Variants in EPS15L1 observed in about 807,000 individuals in gnomAD.
The protein encoded by EPS15L1 is epidermal growth factor receptor pathway substrate 15 like 1.
In EPS15L1, 43 loss-of-function variants were observed where a neutral mutation model predicts 117.1. The observed-to-expected ratio is 0.37, with a 90% CI of 0.29 to 0.47. EPS15L1 has a LOEUF of 0.47. EPS15L1 is among the 20% of genes least tolerant of loss of function. EPS15L1 has a pLI of 0.99. For missense variants in EPS15L1, 981 were observed against 1,164.0 expected, an observed-to-expected ratio of 0.84 and a Z score of 2.29; for synonymous variants, 459 against 470.5, an observed-to-expected ratio of 0.98 and a Z score of 0.32.
At chr19:16,391,056 C>T (rs1001484739) in intron 19 of EPS15L1, among the ~76,000 whole-genome samples, 3 of 152,040 alleles carry the variant, frequency 2.0e-5, no homozygotes, top group African/African-American at 4.8e-5. Flanking sequence ...GACTGCATCT[C>T]GATAAAACTA....
At chr19:16,358,832 G>A (rs981481322) in intron 23 of EPS15L1, among the ~76,000 whole-genome samples, 4 of 152,194 alleles carry the variant, frequency 2.6e-5, no homozygotes, top group East Asian at 3.8e-4. Context: ...TTCGAAGCAC[G>A]GCCTAGCTGA....
intron 22 of EPS15L1, among the ~76,000 whole-genome samples, chr19:16,368,980 A>G (rs376764014): frequency 6.6e-6 from 1 of 152,148 alleles, no homozygotes; most frequent in South Asian, 2.1e-4. Context: ...CACCCTCCCC[A>G]TCCTGCCAGA....
At chr19:16,410,128 C>T (rs533341745) in intron 13 of EPS15L1, among the ~76,000 whole-genome samples, 4 of 140,656 alleles carry the variant, frequency 2.8e-5, no homozygotes, top group Admixed American at 7.1e-5. Context: ...AGTGAGACTC[C>T]GTCTCAAAAA....
Position 16,370,196 on chromosome 19 carries a change from C to G in EPS15L1, c.2380+6926G>C, listed in dbSNP as rs1005716977. ...GGGACACTTTTGCTCTCTTTATGGC[C>G]AGATTCCCCATTGCCCGAGTGCATG... On this transcript the variant is annotated intron_variant, in intron 22 of 23. Transcript: ENST00000455140. The surrounding 1 kb of genome is among the most constrained non-coding windows in gnomAD (Gnocchi z 5.2). 3.3e-5 allele frequency among the ~76,000 whole-genome samples: 5 copies of G among 152,170 alleles called. No individual in the cohort carries two copies. Among genetic ancestry groups the G allele is most frequent in the African/African-American group, 1.2e-4 (5 of 41,428 alleles).
At chr19:16,419,747 T>G (rs1301759674) in intron 10 of EPS15L1, among the ~76,000 whole-genome samples, 1 of 152,212 alleles carries the variant, frequency 6.6e-6, no homozygotes, top group Non-Finnish European at 1.5e-5. Context: ...ACATTGCTGA[T>G]AAATGCCTAG....
intron 22 of EPS15L1, among the ~76,000 whole-genome samples, chr19:16,374,319 G>C (rs898862603): frequency 6.6e-6 from 1 of 152,172 alleles, no homozygotes; most frequent in Non-Finnish European, 1.5e-5. Flanking sequence ...TTTCTGCAGA[G>C]CACCGAGTGG....
At chr19:16,442,578 T>C (rs929628888) in intron 1 of EPS15L1, among the ~76,000 whole-genome samples, 4 of 152,144 alleles carry the variant, frequency 2.6e-5, no homozygotes, top group Non-Finnish European at 5.9e-5. Context: ...CCTCTGAGAT[T>C]GTTCTCTGGC....
intron 1 of EPS15L1, among the ~76,000 whole-genome samples, chr19:16,446,127 T>C (rs1313759914): frequency 6.6e-6 from 1 of 152,174 alleles, no homozygotes; most frequent in Non-Finnish European, 1.5e-5. Context: ...TTCACATCCT[T>C]CTGCTCTGAA....
chr19:16,388,082 A>AC (rs1056822668), intron 19 of EPS15L1, among the ~76,000 whole-genome samples: 6 of 152,142 alleles, frequency 3.9e-5, no homozygotes, highest in African/African-American at 1.4e-4. Flanking sequence ...TCACTCTGTC[A>AC]CCCAGGCTGG....
chr19:16,362,013 A>T, intron 22 of EPS15L1, 29 bp from the exon 23 acceptor site: 1 of 1,549,538 alleles, frequency 6.5e-7, no homozygotes, highest in Non-Finnish European at 8.7e-7. Flanking sequence ...AAAAAAAAGG[A>T]GAAAGAAAGA....
At chr19:16,452,690 C>A (rs1487429038) in intron 1 of EPS15L1, among the ~76,000 whole-genome samples, 1 of 149,548 alleles carries the variant, frequency 6.7e-6, no homozygotes, top group Admixed American at 6.7e-5. Context: ...GGGAAAAGAT[C>A]AAAGGGTGGT....
chr19:16,385,689 G>A (rs2092413131), intron 20 of EPS15L1, among the ~76,000 whole-genome samples: 1 of 152,170 alleles, frequency 6.6e-6, no homozygotes, highest in Non-Finnish European at 1.5e-5. Flanking sequence ...GCAAGCTGCA[G>A]GACCAAGCGG....
chr19:16,364,105 C>T (rs1479576279), intron 22 of EPS15L1, among the ~76,000 whole-genome samples: 2 of 152,166 alleles, frequency 1.3e-5, no homozygotes, highest in Admixed American at 1.3e-4. Flanking sequence ...GGTTGGAGGG[C>T]GAGCTGTCCT....
At chr19:16,425,659 C>T (rs1253453307) in intron 8 of EPS15L1, among the ~76,000 whole-genome samples, 2 of 152,136 alleles carry the variant, frequency 1.3e-5, no homozygotes, top group Admixed American at 6.5e-5. Flanking sequence ...AGAAGAGAGA[C>T]CTGTACTTCA....
At chr19:16,412,851 A>G (rs2092721010) in intron 13 of EPS15L1, 1 of 545,164 alleles carries the variant, frequency 1.8e-6, no homozygotes, top group African/African-American at 1.9e-5. Flanking sequence ...GAGCTTGCAG[A>G]GGCAAGGCCG....
intron 4 of EPS15L1, among the ~76,000 whole-genome samples, chr19:16,438,155 C>A (rs1249660053): frequency 2.0e-5 from 3 of 152,066 alleles, no homozygotes; most frequent in African/African-American, 7.2e-5. Context: ...GAGTTCGAGA[C>A]CAGCCTGGCC....
chr19:16,408,403 C>T (rs1054291014), intron 13 of EPS15L1, among the ~76,000 whole-genome samples: 6 of 151,378 alleles, frequency 4.0e-5, no homozygotes, highest in Non-Finnish European at 7.4e-5. Flanking sequence ...GCAAGCAGAT[C>T]ATCTGAGGTC....
At chr19:16,457,242 A>G (rs531516054) in intron 1 of EPS15L1, among the ~76,000 whole-genome samples, 1 of 152,350 alleles carries the variant, frequency 6.6e-6, no homozygotes, top group East Asian at 1.9e-4. Context: ...ACCTTGGTGC[A>G]GGTGTGGAGG....
chr19:16,431,326 C>T (rs2092925519), intron 7 of EPS15L1, among the ~76,000 whole-genome samples: 1 of 146,654 alleles, frequency 6.8e-6, no homozygotes, highest in Admixed American at 6.8e-5. Flanking sequence ...TTTTTTGAGA[C>T]AGAGTCTCAC....
Sources: gnomAD v4.1 joint callset for allele counts (sites outside exome capture counted in the v4.1 genomes callset) on GRCh38, gnomAD v4.1.1 for gene constraint, Gnocchi (gnomAD v3.1) non-coding constraint, MANE v1.5 for transcripts, NCBI Gene and HGNC (gene_info 2026-07-23, HGNC 2026-07-21) for gene names.